ALK: variants seen among roughly 807,000 people sequenced by gnomAD.
The protein encoded by ALK is ALK tyrosine kinase receptor.
ALK carries 74 observed loss-of-function variants against 163.1 expected under a neutral mutation model. That is an observed-to-expected ratio of 0.45 (90% CI 0.38 to 0.55). ALK has a LOEUF of 0.55. ALK is among the 20% of genes least tolerant of loss of function. The pLI, the probability that ALK is intolerant of heterozygous loss-of-function variation, is 0.00. For missense variants in ALK, 2,063 were observed against 2,105.3 expected (o/e 0.98, Z 0.39); for synonymous variants, 960 against 843.2 (o/e 1.14, Z -2.40).
intron 5 of ALK, among the ~76,000 whole-genome samples, chr2:29,338,943 G>A (rs1425186052): frequency 6.6e-6 from 1 of 152,184 alleles, no homozygotes; most frequent in African/African-American, 2.4e-5. Context: ...GGGTGACAGT[G>A]GTGAAGAAAG....
At chr2:29,732,253 G>C (rs1486494540) in intron 1 of ALK, among the ~76,000 whole-genome samples, 1 of 152,216 alleles carries the variant, frequency 6.6e-6, no homozygotes, top group Admixed American at 6.5e-5. Flanking sequence ...CTTGCAAATA[G>C]TAGAAAGTGT....
At chr2:29,257,061 A>G (rs2148202424) in intron 11 of ALK, among the ~76,000 whole-genome samples, 1 of 152,256 alleles carries the variant, frequency 6.6e-6, no homozygotes, top group East Asian at 1.9e-4. Context: ...CAGACAATCT[A>G]AAGGTCCCCA....
Position 29,475,464 on chromosome 2 carries a change from C to G in ALK, c.1154+56451G>C, listed in dbSNP as rs185285424. Among the ~76,000 whole-genome samples, 1,287 of 152,320 alleles carry G rather than the reference C, an allele frequency of 8.4e-3. 19 individuals carry two copies. The highest frequency in any genetic ancestry group is 0.029 in the African/African-American group (1,213 of 41,558). ...CGCCATCTTTTCCCAGAATCCCTCCCTCCACTAAGGGAATCCTTCAATCTC... is the reference window on the plus strand; with the variant it reads ...CGCCATCTTTTCCCAGAATCCCTCCGTCCACTAAGGGAATCCTTCAATCTC... On this transcript the variant is annotated intron_variant, in intron 4 of 28. Transcript: ENST00000389048.
Position 29,299,724 on chromosome 2 carries a change from A to G in ALK, c.1648-2667T>C, listed in dbSNP as rs1448737944. ...AGAGAGGTGGATAAAAATGAATGAC[A>G]TAATTCTTAACCCTTCACTCATACT... On this transcript the variant is annotated intron_variant, in intron 8 of 28. Transcript: ENST00000389048. 2.0e-5 allele frequency among the ~76,000 whole-genome samples: 3 copies of G among 152,358 alleles called. 1 individual carries two copies. The highest frequency in any genetic ancestry group is 4.8e-5 in the African/African-American group (2 of 41,584).
intron 3 of ALK, among the ~76,000 whole-genome samples, chr2:29,600,386 T>C (rs1463206212): frequency 1.3e-5 from 2 of 152,016 alleles, no homozygotes; most frequent in African/African-American, 4.8e-5. Flanking sequence ...TGGAAAAGAA[T>C]AGGTGATTAT....
At chr2:29,368,787 T>A (rs139324890) in intron 5 of ALK, among the ~76,000 whole-genome samples, 10 of 152,272 alleles carry the variant, frequency 6.6e-5, no homozygotes, top group African/African-American at 2.2e-4. Flanking sequence ...GTTTGGAGTA[T>A]CCCATGGATC....
chr2:29,903,724 C>T (rs144867497), intron 1 of ALK, among the ~76,000 whole-genome samples: 131 of 152,200 alleles, frequency 8.6e-4, no homozygotes, highest in African/African-American at 3.1e-3. Flanking sequence ...AATAAATGTT[C>T]TTAATCTAGT....
intron 1 of ALK, among the ~76,000 whole-genome samples, chr2:29,878,573 C>A (rs1414759371): frequency 6.6e-6 from 1 of 152,230 alleles, no homozygotes; most frequent in Admixed American, 6.5e-5. Flanking sequence ...TTTAAAACAA[C>A]TTCCCCTAGC....
intron 4 of ALK, among the ~76,000 whole-genome samples, chr2:29,396,069 G>C (rs1669295612): frequency 6.6e-6 from 1 of 152,162 alleles, no homozygotes; most frequent in African/African-American, 2.4e-5. Flanking sequence ...AGTGAGGAGA[G>C]GGATCACACC....
intron 3 of ALK, among the ~76,000 whole-genome samples, chr2:29,603,814 C>T (rs1038465370): frequency 4.6e-5 from 7 of 152,098 alleles, no homozygotes; most frequent in African/African-American, 1.7e-4. Flanking sequence ...CTTATGATTC[C>T]CCCTATGCCT....
chr2:29,899,983 T>A (rs752845159), intron 1 of ALK, among the ~76,000 whole-genome samples: 68 of 152,260 alleles, frequency 4.5e-4, no homozygotes, highest in Non-Finnish European at 9.0e-4. Flanking sequence ...CTGCAGTGGC[T>A]GCTTCGTGGG....
rs1667688073 is a variant in ALK at position 29,911,054 on chromosome 2, G to A, written c.667+8939C>T. Among the ~76,000 whole-genome samples, 7 of 152,274 alleles carry A rather than the reference G, an allele frequency of 4.6e-5. No individual in the cohort carries two copies. The South Asian group carries it at 6.2e-4, about 14-fold the overall frequency. Reference sequence around the variant, plus strand: ...AAAATCAGGAACATTGAGGAAGAGAGTCAAAACCTGAAAAAAGCAATTCAT... The same window carrying A: ...AAAATCAGGAACATTGAGGAAGAGAATCAAAACCTGAAAAAAGCAATTCAT... On this transcript the variant is annotated intron_variant, in intron 1 of 28. Coordinates refer to ENST00000389048, the MANE Select transcript of ALK (RefSeq NM_004304.5).
At chr2:29,569,099 C>T (rs1314684054) in intron 3 of ALK, among the ~76,000 whole-genome samples, 1 of 152,290 alleles carries the variant, frequency 6.6e-6, no homozygotes, top group East Asian at 1.9e-4. Flanking sequence ...TGCCACATTG[C>T]CCCACCAGCA....
At chr2:29,447,495 G>A (rs181431329) in intron 4 of ALK, among the ~76,000 whole-genome samples, 2 of 152,320 alleles carry the variant, frequency 1.3e-5, no homozygotes, top group East Asian at 3.9e-4. Context: ...TTATAACTCA[G>A]TCCAAGATGA....
intron 1 of ALK, among the ~76,000 whole-genome samples, chr2:29,770,737 A>C (rs1016009397): frequency 5.9e-5 from 9 of 152,208 alleles, no homozygotes; most frequent in African/African-American, 9.7e-5. Flanking sequence ...GAGGGTTATA[A>C]GATAAAGAGA....
At chr2:29,296,822 G>A (rs1017972360) in intron 9 of ALK, 66 bp downstream of exon 9, 1 of 1,602,080 alleles carries the variant, frequency 6.2e-7, no homozygotes, top group Non-Finnish European at 8.5e-7. Context: ...GAAAGGGAAG[G>A]CATGATTTCT....
At chr2:29,319,217 G>C (rs1457276093) in intron 7 of ALK, 1 of 152,300 alleles carries the variant, frequency 6.6e-6, no homozygotes, top group African/African-American at 2.4e-5. Flanking sequence ...AGGGTCTGCA[G>C]AGCATTTTGT....
chr2:29,566,400 C>G (rs1310083465), intron 3 of ALK, among the ~76,000 whole-genome samples: 1 of 152,190 alleles, frequency 6.6e-6, no homozygotes, highest in African/African-American at 2.4e-5. Context: ...ATAAGAAGCT[C>G]TGCATATACT....
chr2:29,615,453 T>C (rs749146104), intron 3 of ALK, among the ~76,000 whole-genome samples: 2 of 152,212 alleles, frequency 1.3e-5, no homozygotes, highest in African/African-American at 2.4e-5. Flanking sequence ...AAAATGAGGA[T>C]AGCAATAATG....
Sources: allele counts gnomAD v4.1 joint callset (sites outside exome capture counted in the v4.1 genomes callset), GRCh38; gene constraint gnomAD v4.1.1; transcripts MANE v1.5; gene names NCBI Gene and HGNC (gene_info 2026-07-23, HGNC 2026-07-21).